The following CALN1 variants were observed in gnomAD, a reference collection of about 807,000 sequenced individuals.
CALN1 encodes calcium-binding protein 8.
Under a neutral mutation model 30.6 loss-of-function variants are expected in CALN1, and 17 were observed. The observed-to-expected ratio is 0.56, with a 90% CI of 0.38 to 0.83. The LOEUF (loss-of-function observed/expected upper bound fraction) is 0.83, where lower values mean the gene tolerates loss of function less well. Ranked by LOEUF, CALN1 falls within the 40% of genes least tolerant of loss-of-function variation. CALN1 has a pLI of 0.00. For synonymous variants in CALN1, 156 were observed against 131.4 expected (o/e 1.19, Z -1.28); for missense variants, 291 against 354.9 (o/e 0.82, Z 1.45).
chr7:71,999,489 C>A (rs902625179), intron 5 of CALN1, among the ~76,000 whole-genome samples: 1 of 152,018 alleles, frequency 6.6e-6, no homozygotes, highest in Admixed American at 6.6e-5. Flanking sequence ...CTCATATACA[C>A]AGAACACTCC....
At chr7:72,279,289 C>G (rs1797573580) in intron 2 of CALN1, among the ~76,000 whole-genome samples, 1 of 152,170 alleles carries the variant, frequency 6.6e-6, no homozygotes, top group South Asian at 2.1e-4. Flanking sequence ...GCATTGCACT[C>G]ACACAGCACT....
intron 3 of CALN1, among the ~76,000 whole-genome samples, chr7:72,209,078 C>T (rs1258838107): frequency 7.7e-6 from 1 of 129,478 alleles, no homozygotes; most frequent in Non-Finnish European, 1.6e-5. Context: ...GTCCTCTCTC[C>T]TTCCCTTCCC....
chr7:72,022,985 G>C (rs926393063), intron 5 of CALN1, among the ~76,000 whole-genome samples: 10 of 149,916 alleles, frequency 6.7e-5, no homozygotes, highest in Non-Finnish European at 1.2e-4. Context: ...GGCGTTTTAC[G>C]TGTCTAACTG....
chr7:72,146,616 T>C (rs1786754467), intron 3 of CALN1, among the ~76,000 whole-genome samples: 1 of 152,160 alleles, frequency 6.6e-6, no homozygotes, highest in African/African-American at 2.4e-5. Flanking sequence ...GGAAAAAAAC[T>C]ACTTTAAAGT....
In CALN1 at chr7:72,384,336, T is replaced by C. The variant is rs1208019047; in HGVS notation, c.119+18915A>G. Reference sequence around the variant, plus strand: ...AGGAACACAGAGAGAATAAAAAACGTATGTTGATTTCAACAAATGCTGCTG... The same window carrying C: ...AGGAACACAGAGAGAATAAAAAACGCATGTTGATTTCAACAAATGCTGCTG... On this transcript the variant is annotated intron_variant, in intron 2 of 6. Coordinates refer to ENST00000395275, the MANE Select transcript of CALN1 (RefSeq NM_031468.4). Among the ~76,000 whole-genome samples the C allele has an allele frequency of 2.0e-5, 3 of 152,336 alleles. No individual in the cohort carries two copies. The East Asian group carries it at 5.8e-4, about 29-fold the overall frequency.
intron 2 of CALN1, among the ~76,000 whole-genome samples, chr7:72,400,349 G>A (rs566502720): frequency 6.6e-6 from 1 of 152,240 alleles, no homozygotes; most frequent in South Asian, 2.1e-4. Context: ...TTTAATCACT[G>A]TCAAACAGAT....
chr7:71,818,342 C>T (rs368111661), intron 5 of CALN1, among the ~76,000 whole-genome samples: 13 of 151,982 alleles, frequency 8.6e-5, no homozygotes, highest in Admixed American at 4.6e-4. Context: ...AGGGGGCAGC[C>T]GTACCAAGGC....
intron 5 of CALN1, among the ~76,000 whole-genome samples, chr7:71,876,298 G>A (rs1792239678): frequency 6.6e-6 from 1 of 152,114 alleles, no homozygotes; most frequent in South Asian, 2.1e-4. Flanking sequence ...TCTTGCTCTT[G>A]CAGGATTGGA....
chr7:71,838,266 G>A (rs1216139376), intron 5 of CALN1, among the ~76,000 whole-genome samples: 1 of 152,312 alleles, frequency 6.6e-6, no homozygotes, highest in South Asian at 2.1e-4. Flanking sequence ...TTTTAAGCAG[G>A]CTTGTAGTTA....
At chr7:72,011,976 G>A (rs369819966) in intron 5 of CALN1, among the ~76,000 whole-genome samples, 5 of 152,142 alleles carry the variant, frequency 3.3e-5, no homozygotes, top group Admixed American at 2.0e-4. Context: ...CTTCCTGGGC[G>A]TCTACAGTTC....
intron 4 of CALN1, among the ~76,000 whole-genome samples, chr7:72,093,398 A>G (rs1165986584): frequency 2.6e-5 from 4 of 152,158 alleles, no homozygotes; most frequent in Non-Finnish European, 4.4e-5. Flanking sequence ...CGTACCAGGG[A>G]GAAAACAAAC....
intron 2 of CALN1, among the ~76,000 whole-genome samples, chr7:72,289,696 A>G (rs1798341043): frequency 6.6e-6 from 1 of 152,202 alleles, no homozygotes; most frequent in Non-Finnish European, 1.5e-5. Context: ...ATCACAAATA[A>G]TAGTAAAATG....
intron 2 of CALN1, among the ~76,000 whole-genome samples, chr7:72,369,375 G>GTTGTTTGT (rs1554390920): frequency 4.2e-5 from 3 of 71,930 alleles, no homozygotes; most frequent in Admixed American, 1.5e-4. Flanking sequence ...GTTGTTGTTT[G>GTTGTTTGT]TTTTTGAGAT....
the CALN1 span, among the ~76,000 whole-genome samples, chr7:72,491,969 G>A: frequency 6.6e-6 from 1 of 152,058 alleles, no homozygotes; most frequent in Non-Finnish European, 1.5e-5. Flanking sequence ...CTAAGATATG[G>A]GGCAAACTAT....
chr7:72,199,556 C>G (rs182650893), intron 3 of CALN1, among the ~76,000 whole-genome samples: 21 of 152,258 alleles, frequency 1.4e-4, no homozygotes, highest in African/African-American at 5.1e-4. Context: ...CACATCTCTA[C>G]AAACAATTAA....
At chr7:72,380,663 G>A (rs1804834960) in intron 2 of CALN1, among the ~76,000 whole-genome samples, 2 of 150,922 alleles carry the variant, frequency 1.3e-5, no homozygotes, top group African/African-American at 2.4e-5. Context: ...TGCTCAGTGG[G>A]TTGGTGGATG....
chr7:72,014,169 C>T (rs1584746289), intron 5 of CALN1, among the ~76,000 whole-genome samples: 2 of 151,240 alleles, frequency 1.3e-5, no homozygotes, highest in East Asian at 3.9e-4. Flanking sequence ...TCACTGCAGC[C>T]TCCGTCCCCT....
intron 4 of CALN1, among the ~76,000 whole-genome samples, chr7:72,078,771 A>C (rs372780754): frequency 1.3e-5 from 2 of 152,132 alleles, no homozygotes; most frequent in Non-Finnish European, 2.9e-5. Context: ...CCCCACCTCT[A>C]CTAAAAATAC....
chr7:72,074,122 T>C (rs1456256578), intron 4 of CALN1, among the ~76,000 whole-genome samples: 1 of 152,184 alleles, frequency 6.6e-6, no homozygotes, highest in Non-Finnish European at 1.5e-5. Flanking sequence ...GGTTAAAACA[T>C]GAACAAAACT....
Sources: allele counts gnomAD v4.1 joint callset (sites outside exome capture counted in the v4.1 genomes callset), GRCh38; gene constraint gnomAD v4.1.1; transcripts MANE v1.5; gene names NCBI Gene and HGNC (gene_info 2026-07-23, HGNC 2026-07-21).